The following ANKRD6 variants were observed in gnomAD, a reference collection of about 807,000 sequenced individuals.
ANKRD6 encodes ankyrin repeat domain-containing protein 6.
Under a neutral mutation model 82.3 loss-of-function variants are expected in ANKRD6, and 56 were observed. The observed-to-expected ratio is 0.68, with a 90% CI of 0.55 to 0.85. The LOEUF (loss-of-function observed/expected upper bound fraction) is 0.85. Among genes scored for constraint, ANKRD6 ranks in the 40% least tolerant of loss-of-function variants. The pLI, the probability that ANKRD6 is intolerant of heterozygous loss-of-function variation, is 0.00. For synonymous variants in ANKRD6, 347 were observed against 352.1 expected (o/e 0.99, Z 0.16); for missense variants, 852 against 907.6 (o/e 0.94, Z 0.79).
chr6:89,585,707 G>C (rs1793541862), intron 2 of ANKRD6, among the ~76,000 whole-genome samples: 1 of 152,212 alleles, frequency 6.6e-6, no homozygotes, highest in Admixed American at 6.5e-5. Context: ...CCAGGGGTTT[G>C]AGACCAGCCT....
intron 3 of ANKRD6, among the ~76,000 whole-genome samples, chr6:89,597,454 T>A (rs1455386036): frequency 6.6e-6 from 1 of 152,226 alleles, no homozygotes; most frequent in Non-Finnish European, 1.5e-5. Context: ...AAGGCTTTGC[T>A]TGCCACAGTG....
chr6:89,630,357 C>A, intron 15 of ANKRD6, 76 bp from the exon 16 acceptor site: 1 of 1,515,006 alleles, frequency 6.6e-7, no homozygotes, highest in Non-Finnish European at 8.8e-7. Flanking sequence ...CCTTAAGACT[C>A]TAAAATACTG....
At chr6:89,517,150 G>GT (rs2127957031) in intron 1 of ANKRD6, among the ~76,000 whole-genome samples, 1 of 152,334 alleles carries the variant, frequency 6.6e-6, no homozygotes, top group African/African-American at 2.4e-5. Context: ...TGTTACAGGC[G>GT]TAAGCCACCA....
intron 1 of ANKRD6, among the ~76,000 whole-genome samples, chr6:89,541,883 C>T (rs575472758): frequency 1.3e-5 from 2 of 151,574 alleles, no homozygotes; most frequent in South Asian, 2.1e-4. Flanking sequence ...TGCAGAATAA[C>T]AGAAAGTTGT....
At chr6:89,461,867 A>G (rs1047272482) in intron 1 of ANKRD6, among the ~76,000 whole-genome samples, 2 of 152,182 alleles carry the variant, frequency 1.3e-5, no homozygotes, top group Non-Finnish European at 2.9e-5. Context: ...TTCATATCAT[A>G]AAAATATAAC....
At chr6:89,445,627 G>A (rs1321134014) in intron 1 of ANKRD6, among the ~76,000 whole-genome samples, 3 of 152,092 alleles carry the variant, frequency 2.0e-5, no homozygotes, top group Non-Finnish European at 1.5e-5. Flanking sequence ...TTGTATTTTA[G>A]TAGAGACTGG....
At chr6:89,624,399 T>C in intron 12 of ANKRD6, 140 bp from the exon 13 acceptor site, 1 of 1,163,280 alleles carries the variant, frequency 8.6e-7, no homozygotes, top group South Asian at 1.6e-5. Flanking sequence ...TATAAGATGT[T>C]CCAAAGTTAT....
chr6:89,604,329 CAAAAAA>C (rs1215491878), intron 4 of ANKRD6, among the ~76,000 whole-genome samples: 3 of 144,254 alleles, frequency 2.1e-5, no homozygotes, highest in Admixed American at 6.9e-5. Context: ...ACTCTTGTCT[CAAAAAA>C]AAAAGAAAAA....
chr6:89,566,687 A>C (rs1788616464), intron 1 of ANKRD6, 147 bp from the exon 2 acceptor site: 4 of 328,190 alleles, frequency 1.2e-5, no homozygotes, highest in Non-Finnish European at 2.4e-5. Flanking sequence ...TTTGCTGTGG[A>C]GTGTGCTTCC....
intron 1 of ANKRD6, among the ~76,000 whole-genome samples, chr6:89,547,597 C>T (rs1345281248): frequency 6.6e-6 from 1 of 152,156 alleles, no homozygotes; most frequent in Non-Finnish European, 1.5e-5. Flanking sequence ...TCTTGCCATC[C>T]CCTCAGTATT....
At position 89,623,486 on chromosome 6, in the gene ANKRD6, T is replaced by C. The variant is rs1480120476; in HGVS notation, c.974T>C (p.Leu325Pro). 2 of 1,601,184 alleles carry C rather than the reference T, an allele frequency of 1.2e-6. No homozygotes were observed. Among genetic ancestry groups the C allele is most frequent in the Non-Finnish European group, 1.7e-6 (2 of 1,173,796 alleles). ...ARKEEAREEF[L>P]SASPEPRAKD... Reference sequence around the variant, plus strand: ...AAAGAAGAAGCCAGAGAAGAGTTCCTGTCAGCCTCCCCAGAACCCAGAGCA... The same window carrying C: ...AAAGAAGAAGCCAGAGAAGAGTTCCCGTCAGCCTCCCCAGAACCCAGAGCA... The change falls in exon 11 of 16, where the codon CTG becomes CCG. Residue 325 changes from leucine to proline, a missense_variant. Physicochemically the swap from Leu to Pro is moderately conservative, Grantham distance 98 (BLOSUM62 -3). Transcript: ENST00000339746.
intron 3 of ANKRD6, among the ~76,000 whole-genome samples, chr6:89,596,512 T>TG (rs1331194774): frequency 6.6e-6 from 1 of 152,102 alleles, no homozygotes; most frequent in Non-Finnish European, 1.5e-5. Flanking sequence ...GTTGGGGAGT[T>TG]GGGGGAAGAC....
chr6:89,469,098 C>T (rs55696410), intron 1 of ANKRD6, among the ~76,000 whole-genome samples: 8,572 of 152,204 alleles, frequency 0.056, 267 homozygotes, highest in South Asian at 0.13. Flanking sequence ...GAGGAGGATG[C>T]ACCTGTTTAT....
chr6:89,627,833 G>C, intron 14 of ANKRD6, 137 bp downstream of exon 14: 1 of 670,588 alleles, frequency 1.5e-6, no homozygotes, highest in Non-Finnish European at 2.5e-6. Context: ...TCATTTTTAT[G>C]ATACTGAAAT....
At chr6:89,585,214 A>G (rs1298338033) in intron 2 of ANKRD6, among the ~76,000 whole-genome samples, 1 of 152,232 alleles carries the variant, frequency 6.6e-6, no homozygotes, top group Non-Finnish European at 1.5e-5. Flanking sequence ...AACTTTCTCA[A>G]CATGATAAAA....
At chr6:89,570,501 A>G (rs1789606198) in intron 2 of ANKRD6, among the ~76,000 whole-genome samples, 1 of 152,224 alleles carries the variant, frequency 6.6e-6, no homozygotes, top group Admixed American at 6.5e-5. Context: ...ATCCATCTTC[A>G]GAAATTTTTC....
chr6:89,622,087 C>T, intron 10 of ANKRD6, 61 bp downstream of exon 10: 1 of 1,507,116 alleles, frequency 6.6e-7, no homozygotes, highest in Middle Eastern at 2.4e-4. Flanking sequence ...GGGAAACTAT[C>T]TCCCTGCTTC....
chr6:89,517,966 T>C (rs1781424016), intron 1 of ANKRD6, among the ~76,000 whole-genome samples: 2 of 152,262 alleles, frequency 1.3e-5, no homozygotes, highest in South Asian at 4.1e-4. Flanking sequence ...TATGTATTCA[T>C]GGATTCATTC....
At chr6:89,495,691 T>C (rs1778529177) in intron 1 of ANKRD6, among the ~76,000 whole-genome samples, 2 of 152,186 alleles carry the variant, frequency 1.3e-5, no homozygotes, top group Non-Finnish European at 2.9e-5. Flanking sequence ...ACAAACTCTC[T>C]CATAGGGCTT....
Sources: allele counts gnomAD v4.1 joint callset (sites outside exome capture counted in the v4.1 genomes callset), GRCh38; gene constraint gnomAD v4.1.1; transcripts MANE v1.5; gene names NCBI Gene and HGNC (gene_info 2026-07-23, HGNC 2026-07-21).